NAV1: variants seen among roughly 807,000 people sequenced by gnomAD.
NAV1 encodes neuron navigator 1, also known as pore membrane and/or filament interacting like protein 3.
Under a neutral mutation model 175.2 loss-of-function variants are expected in NAV1, and 18 were observed. That is an observed-to-expected ratio of 0.10 (90% CI 0.07 to 0.15). The LOEUF is 0.15. NAV1 is among the 10% of genes least tolerant of loss of function. The pLI is 1.00. For missense variants in NAV1, 1,731 were observed against 2,436.6 expected (o/e 0.71, Z 6.10); for synonymous variants, 897 against 978.7 (o/e 0.92, Z 1.56).
rs140601446 is a variant in NAV1 at position 201,632,745 on chromosome 1, G to A, written c.4+3238G>A. ...CCTCCTCCCTGCCTCCTTCTCACAC[G>A]AGGGTTGATATATAGAGAGAATGGG... is the stretch of plus-strand genomic sequence containing the variant. On this transcript the variant is annotated intron_variant, in intron 2 of 29. Transcript: ENST00000367302. Among the ~76,000 whole-genome samples the A allele has an allele frequency of 4.3e-3, 659 of 152,344 alleles. 6 individuals are homozygous for A. Among genetic ancestry groups the A allele is most frequent in the Admixed American group, 7.2e-3 (110 of 15,308 alleles).
At chr1:201,708,047 A>G (rs770185438) in intron 1 of NAV1, among the ~76,000 whole-genome samples, 1 of 152,142 alleles carries the variant, frequency 6.6e-6, no homozygotes, top group Non-Finnish European at 1.5e-5. Flanking sequence ...TTGTGTGTGC[A>G]TGCACCTGTC....
intron 3 of NAV1, among the ~76,000 whole-genome samples, chr1:201,778,567 A>G (rs974713644): frequency 2.0e-5 from 3 of 152,236 alleles, no homozygotes; most frequent in African/African-American, 7.2e-5. Context: ...GAGGTTTAAT[A>G]TACATCAGGA....
At chr1:201,714,422 G>A (rs1001294885) in intron 2 of NAV1, among the ~76,000 whole-genome samples, 10 of 152,238 alleles carry the variant, frequency 6.6e-5, no homozygotes, top group South Asian at 2.1e-4. Flanking sequence ...CAGACATCTC[G>A]AGTATTTTAA....
chr1:201,804,438 CT>C (rs983834422), intron 16 of NAV1, 50 bp from the exon 21 acceptor site: 45,191 of 952,024 alleles, frequency 0.047, 4 homozygotes, highest in South Asian at 0.076. Flanking sequence ...AGTGTTGATT[CT>C]TTTTTTTTTT....
chr1:201,663,502 G>A (rs1307440730), intron 1 of NAV1, among the ~76,000 whole-genome samples: 2 of 152,116 alleles, frequency 1.3e-5, no homozygotes, highest in Non-Finnish European at 2.9e-5. Context: ...TCTCTGTCCC[G>A]GGTTCAATGA....
At chr1:201,564,171 C>T (rs1571822951) in intron 1 of NAV1, among the ~76,000 whole-genome samples, 1 of 150,350 alleles carries the variant, frequency 6.7e-6, no homozygotes, top group South Asian at 2.1e-4. Flanking sequence ...GGCAGGCAGG[C>T]AGGCAGGCAG....
chr1:201,623,856 CAA>C (rs1668247149), intron 1 of NAV1, among the ~76,000 whole-genome samples: 1 of 152,118 alleles, frequency 6.6e-6, no homozygotes, highest in African/African-American at 2.4e-5. Context: ...GAATCCACAA[CAA>C]AAAGAGTCTC....
intron 1 of NAV1, among the ~76,000 whole-genome samples, chr1:201,569,321 A>G (rs1169744787): frequency 6.6e-6 from 1 of 152,214 alleles, no homozygotes; most frequent in Non-Finnish European, 1.5e-5. Context: ...CGGCTATAGC[A>G]TGAACTCCCC....
chr1:201,710,479 G>A (rs1473710021), intron 1 of NAV1, among the ~76,000 whole-genome samples: 1 of 152,032 alleles, frequency 6.6e-6, no homozygotes, highest in East Asian at 1.9e-4. Context: ...ATATAGACAG[G>A]ATCTCCCTGT....
intron 3 of NAV1, among the ~76,000 whole-genome samples, chr1:201,776,512 G>A (rs1457626773): frequency 1.3e-5 from 2 of 151,792 alleles, no homozygotes; most frequent in African/African-American, 2.4e-5. Flanking sequence ...ATGGCAGCAC[G>A]CGCCTGTAGT....
chr1:201,774,379 T>A (rs1353634949), intron 3 of NAV1, among the ~76,000 whole-genome samples: 4 of 152,192 alleles, frequency 2.6e-5, no homozygotes, highest in Non-Finnish European at 5.9e-5. Flanking sequence ...ACTGATGAAC[T>A]GTAAAATTTG....
chr1:201,717,576 C>T (rs535645824), intron 2 of NAV1, among the ~76,000 whole-genome samples: 155 of 152,228 alleles, frequency 1.0e-3, no homozygotes, highest in Non-Finnish European at 1.7e-3. Context: ...GGCATTGCTC[C>T]CTTGGCCTGG....
At chr1:201,565,773 C>G (rs1557999508) in intron 1 of NAV1, among the ~76,000 whole-genome samples, 1 of 152,188 alleles carries the variant, frequency 6.6e-6, no homozygotes, top group African/African-American at 2.4e-5. Flanking sequence ...GAGGCCCACA[C>G]AGTTGAAGGT....
In NAV1 at chr1:201,727,791, A is replaced by G. The variant is rs139332545; in HGVS notation, c.1226+9036A>G. Among the ~76,000 whole-genome samples the G allele has an allele frequency of 2.9e-3, 445 of 152,300 alleles. 7 individuals carry two copies. Among genetic ancestry groups the G allele is most frequent in the Admixed American group, 0.011 (171 of 15,300 alleles). On this transcript the variant is annotated intron_variant, in intron 3 of 29. Transcript: ENST00000367296. The stretch of plus-strand genomic sequence containing the variant: ...TAGGAGATGACGTGGAATACACCTC[A>G]GTGTTGCCCCACCAGAAGGGCAAGG...
intron 1 of NAV1, among the ~76,000 whole-genome samples, chr1:201,699,429 T>G (rs977456248): frequency 1.4e-5 from 2 of 142,954 alleles, no homozygotes; most frequent in Non-Finnish European, 3.1e-5. Flanking sequence ...CACTGCTCAA[T>G]GAAATAAAAG....
At chr1:201,561,616 T>G (rs550236512) in intron 1 of NAV1, among the ~76,000 whole-genome samples, 1 of 152,212 alleles carries the variant, frequency 6.6e-6, no homozygotes, top group Non-Finnish European at 1.5e-5. Context: ...TTCTTCTGAG[T>G]CCTTTTTTTC....
intron 1 of NAV1, among the ~76,000 whole-genome samples, chr1:201,709,228 C>T (rs892410671): frequency 6.6e-6 from 1 of 151,886 alleles, no homozygotes; most frequent in African/African-American, 2.4e-5. Context: ...ACCTTCACCC[C>T]ATCCGGGATG....
Position 201,588,575 on chromosome 1 carries a change from ACTC to A in NAV1, c.-104_-102del, listed in dbSNP as rs1468353168. On this transcript the variant is annotated 5_prime_UTR_variant, in exon 2 of 34. An upstream open reading frame in the 5' UTR gains an earlier in-frame stop. Coordinates refer to the NAV1 transcript ENST00000685211. ...TGCTATGTTGCCCGGGCTGGTCTGAACTCCTAGCCTCAAGTGATCCTCCCACCT... is the reference window on the plus strand; with the variant it reads ...TGCTATGTTGCCCGGGCTGGTCTGAACTAGCCTCAAGTGATCCTCCCACCT... Among the ~76,000 whole-genome samples, 1 of 149,094 alleles carries A rather than the reference ACTC, an allele frequency of 6.7e-6. No homozygotes were observed. Among genetic ancestry groups the A allele is most frequent in the African/African-American group, 2.5e-5 (1 of 40,302 alleles).
intron 2 of NAV1, among the ~76,000 whole-genome samples, chr1:201,639,613 G>A (rs1668694959): frequency 6.6e-6 from 1 of 152,170 alleles, no homozygotes; most frequent in Admixed American, 6.5e-5. Flanking sequence ...CTTTCTAGCT[G>A]AGAAACCCTT....
Sources: gnomAD v4.1 joint callset for allele counts (sites outside exome capture counted in the v4.1 genomes callset) on GRCh38, gnomAD v4.1.1 for gene constraint, MANE v1.5 for transcripts, NCBI Gene and HGNC (gene_info 2026-07-23, HGNC 2026-07-21) for gene names.